PPP1R16A: variants seen among roughly 807,000 people sequenced by gnomAD.
PPP1R16A encodes the protein protein phosphatase 1 regulatory subunit 16A.
A neutral mutation model predicts 46.6 loss-of-function variants in PPP1R16A; 39 were observed. That is an observed-to-expected ratio of 0.84 (90% CI 0.65 to 1.09). The LOEUF (loss-of-function observed/expected upper bound fraction) is 1.09, where lower values mean the gene tolerates loss of function less well. Ranked by LOEUF, PPP1R16A falls within the 50% of genes least tolerant of loss-of-function variation. The pLI is 0.00. For synonymous variants in PPP1R16A, 413 were observed against 321.5 expected (o/e 1.28, Z -3.04); for missense variants, 798 against 735.6 (o/e 1.08, Z -0.98).
intron 1 of PPP1R16A, among the ~76,000 whole-genome samples, chr8:144,482,829 A>T (rs539287447): frequency 1.3e-5 from 2 of 152,104 alleles, no homozygotes; most frequent in Non-Finnish European, 2.9e-5. Context: ...TTGTAATTTT[A>T]GTAGAGACGG....
intron 1 of PPP1R16A, among the ~76,000 whole-genome samples, chr8:144,481,908 G>A (rs1248880458): frequency 6.6e-6 from 1 of 152,054 alleles, no homozygotes; most frequent in Non-Finnish European, 1.5e-5. Flanking sequence ...CTTCTGAGTA[G>A]CTGGGACTAC....
Position 144,493,909 on chromosome 8 carries a change from C to G in PPP1R16A, c.-734-2552C>G, listed in dbSNP as rs1249610259. On this transcript the variant is annotated intron_variant, in intron 2 of 11. Coordinates refer to ENST00000435887, the MANE Select transcript of PPP1R16A (RefSeq NM_001329443.2). The surrounding 1 kb of genome is among the most constrained non-coding windows in gnomAD (Gnocchi z 4.3). The stretch of plus-strand genomic sequence containing the variant: ...GGTGGGGTGGGGGAGGTAGAGCCTC[C>G]CCGCCCGTGGGCCTCCCTCTGCAGC... Among the ~76,000 whole-genome samples, 3 of 152,030 alleles carry G rather than the reference C, an allele frequency of 2.0e-5. No individual in the cohort carries two copies. The highest frequency in any genetic ancestry group is 7.2e-5 in the African/African-American group (3 of 41,422).
rs1554891621 is a variant in PPP1R16A, at chr8:144,501,100, C to T, written c.1038-29C>T. 6.8e-6 allele frequency: 11 copies of T among 1,606,110 alleles called. 1 individual carries two copies. The South Asian group carries it at 8.9e-5, about 13-fold the overall frequency. ...GGGGTCCTCCGGGCACTCCCCTTCC[C>T]CTCACTCCCTCTCCTCTCTCCTCCC... is the stretch of plus-strand genomic sequence containing the variant. On this transcript the variant is annotated intron_variant, in intron 10 of 11. Coordinates refer to ENST00000435887, the MANE Select transcript of PPP1R16A (RefSeq NM_001329443.2).
chr8:144,479,845 G>T (rs1825331780), intron 1 of PPP1R16A, among the ~76,000 whole-genome samples: 1 of 152,174 alleles, frequency 6.6e-6, no homozygotes, highest in African/African-American at 2.4e-5. Context: ...CCTAAAGGGA[G>T]GCCTTTTCAT....
In PPP1R16A at chr8:144,500,977, C is replaced by T. The variant is rs569440310; in HGVS notation, c.1037+6C>T. 8.3e-6 allele frequency: 12 copies of T among 1,448,898 alleles called. No homozygotes were observed. The highest frequency in any genetic ancestry group is 1.1e-5 in the Non-Finnish European group (12 of 1,112,650). 89.8% of individuals were successfully genotyped at this position (1,448,898 alleles called of 1,614,324 possible). A position where few individuals can be genotyped will look rare whatever the true frequency, so the allele number is the denominator to read the frequency against. On this transcript the variant is annotated splice_donor_region_variant and intron_variant, in intron 10 of 11. Transcript: ENST00000435887. Reference sequence around the variant, plus strand: ...TCCAGCGCCGGCAGCCGCGGGTGAGCGCCGCCCCCAGCAGGCCCCGCCCCG... The same window carrying T: ...TCCAGCGCCGGCAGCCGCGGGTGAGTGCCGCCCCCAGCAGGCCCCGCCCCG...
At chr8:144,501,320 C>G (rs747498921) in intron 11 of PPP1R16A, 26 bp downstream of exon 11, 1 of 1,550,566 alleles carries the variant, frequency 6.4e-7, no homozygotes, top group Non-Finnish European at 8.7e-7. Context: ...CTGCTCCGCC[C>G]AGCGCAGGGG....
intron 2 of PPP1R16A, among the ~76,000 whole-genome samples, chr8:144,494,544 G>A (rs1283201058): frequency 6.6e-6 from 1 of 152,134 alleles, no homozygotes; most frequent in Non-Finnish European, 1.5e-5. Context: ...CTGGGTTCAA[G>A]TGATCTTACT....
At position 144,500,528 on chromosome 8, in the gene PPP1R16A, C is replaced by T. The variant is rs1826370991; in HGVS notation, c.747C>T (p.Ala249=). Residue 249 remains alanine, a synonymous_variant, in exon 8 of 12, where the codon GCC becomes GCT. Transcript: ENST00000435887. ...CCAACGGGTTCAGCGAGGCGGCTGC[C>T]CTGCTGCTGGAACACCGAGCCAGCC... ...AAANGFSEAA[A]LLLEHRASLS... 1 of 1,593,482 alleles carries T rather than the reference C, an allele frequency of 6.3e-7. No homozygotes were observed. Among genetic ancestry groups the T allele is most frequent in the Admixed American group, 1.7e-5 (1 of 59,320 alleles).
chr8:144,487,400 C>A (rs1052299483), intron 1 of PPP1R16A, among the ~76,000 whole-genome samples: 1 of 150,896 alleles, frequency 6.6e-6, no homozygotes, highest in Non-Finnish European at 1.5e-5. Context: ...GAGACAGAGT[C>A]TTTCTCTGTC....
rs754008045 is a variant in PPP1R16A at position 144,497,339 on chromosome 8, GGTCCTGGGGAGC to G, written c.150_161del (p.Gly51_Pro54del). The G allele has an allele frequency of 5.2e-5, 84 of 1,612,602 alleles. No homozygotes were observed. The highest frequency in any genetic ancestry group is 6.7e-5 in the African/African-American group (5 of 74,906). ...TGAGAAGGAGGCCCAGGGCAAGAAG[GGTCCTGGGGAGC>G]GTCCCCGGAAGGAGGCAGCCAGCCA... On this transcript the variant is annotated inframe_deletion, in exon 3 of 12. Transcript: ENST00000435887.
intron 3 of PPP1R16A, chr8:144,497,854 A>C: frequency 2.7e-6 from 1 of 368,940 alleles, no homozygotes; most frequent in Non-Finnish European, 5.3e-6. Flanking sequence ...ACCTCCGTGA[A>C]ATAGGGTGGG....
chr8:144,491,935 A>G (rs989009854), intron 2 of PPP1R16A, among the ~76,000 whole-genome samples: 2 of 152,196 alleles, frequency 1.3e-5, no homozygotes, highest in African/African-American at 4.8e-5. Context: ...CTGTCTCTTA[A>G]AAAACATAAT....
chr8:144,497,248 C>G lies in PPP1R16A; in HGVS notation c.54C>G (p.Ser18Arg), dbSNP rs1157505047. 6.2e-7 allele frequency: 1 copy of G among 1,606,752 alleles called. No individual in the cohort carries two copies. The highest frequency in any genetic ancestry group is 8.5e-7 in the Non-Finnish European group (1 of 1,177,530). The change falls in exon 3 of 12, where the codon AGC (serine) becomes AGG (arginine). Residue 18 changes from serine (S) to arginine (R), a missense_variant. Ser to Arg is a moderately radical substitution (Grantham distance 110). Coordinates refer to ENST00000435887, the MANE Select transcript of PPP1R16A (RefSeq NM_001329443.2). ...LAEMPMVGRM[S>R]TQERLKHAQK... ...AGATGCCCATGGTGGGCAGGATGAG[C>G]ACACAGGAGCGGCTGAAGCATGCCC...
chr8:144,501,311 TGCTCCGCCCAGCGCAGGGGTGGGCC>T lies in PPP1R16A; in HGVS notation c.1203+18_1203+42del. 1 of 1,561,026 alleles carries T rather than the reference TGCTCCGCCCAGCGCAGGGGTGGGCC, an allele frequency of 6.4e-7. No homozygotes were observed. On this transcript the variant is annotated intron_variant, in intron 11 of 11. Coordinates refer to ENST00000435887, the MANE Select transcript of PPP1R16A (RefSeq NM_001329443.2). Reference sequence around the variant, plus strand: ...CCCCCGGAGGTGAGCGCCCCGTCCCTGCTCCGCCCAGCGCAGGGGTGGGCCTGGCTCTGCCCTGGTTCTCTCTCCG... The same window carrying T: ...CCCCCGGAGGTGAGCGCCCCGTCCCTTGGCTCTGCCCTGGTTCTCTCTCCG...
rs757853029 is a variant in PPP1R16A at position 144,501,742 on chromosome 8, C to T, written c.1426C>T (p.Pro476Ser). ...GCTGCAGCGACCCCCACCTGAGGGGCCCGAGAGCCCTGAGACAGCTGAGCC... is the reference window on the plus strand; with the variant it reads ...GCTGCAGCGACCCCCACCTGAGGGGTCCGAGAGCCCTGAGACAGCTGAGCC... ...AKLQRPPPEGPESPETAEPGL... is the reference protein window; with the variant it reads ...AKLQRPPPEGSESPETAEPGL... Residue 476 changes from proline to serine, a missense_variant, in exon 12 of 12, where the codon CCC (proline) becomes TCC (serine). By Grantham distance (74) the Pro-to-Ser change is moderately conservative. Coordinates refer to ENST00000435887, the MANE Select transcript of PPP1R16A (RefSeq NM_001329443.2). 2 of 1,576,944 alleles carry T rather than the reference C, an allele frequency of 1.3e-6. No individual in the cohort carries two copies. Among genetic ancestry groups the T allele is most frequent in the Non-Finnish European group, 1.7e-6 (2 of 1,162,376 alleles).
In PPP1R16A at chr8:144,501,752, C is replaced by G. The variant is rs1434838767; in HGVS notation, c.1436C>G (p.Pro479Arg). The change falls in exon 12 of 12, where the codon CCT becomes CGT. Residue 479 changes from proline to arginine, a missense_variant. Coordinates refer to ENST00000435887, the MANE Select transcript of PPP1R16A (RefSeq NM_001329443.2). ...CCCCCACCTGAGGGGCCCGAGAGCC[C>G]TGAGACAGCTGAGCCTGGCCTGCCT... is the stretch of plus-strand genomic sequence containing the variant. ...QRPPPEGPES[P>R]ETAEPGLPGD... 4 of 1,571,700 alleles carry G rather than the reference C, an allele frequency of 2.5e-6. No homozygotes were observed. The highest frequency in any genetic ancestry group is 3.4e-6 in the Non-Finnish European group (4 of 1,159,500).
chr8:144,501,006 T>C, intron 10 of PPP1R16A, 35 bp downstream of exon 10: 1 of 1,451,974 alleles, frequency 6.9e-7, no homozygotes. Context: ...CGCCCCGGGC[T>C]TGGCCCCGCG....
At position 144,502,111 on chromosome 8, in the gene PPP1R16A, T is replaced by G; in HGVS notation, c.*208T>G. 1 of 552,112 alleles carries G rather than the reference T, an allele frequency of 1.8e-6. No homozygotes were observed. The highest frequency in any genetic ancestry group is 3.1e-6 in the Non-Finnish European group (1 of 319,482). The allele number at this position is 552,112 out of a possible 1,614,324, so 34.2% of individuals were successfully genotyped here. A position where few individuals can be genotyped will look rare whatever the true frequency, so the allele number is the denominator to read the frequency against. On this transcript the variant is annotated 3_prime_UTR_variant, in exon 12 of 12. Transcript: ENST00000435887. ...CCTGCAACTCTTGATAAAGGGCTGTTTTGCCATGGAGCCTCGTTGTGTGTT... is the reference window on the plus strand; with the variant it reads ...CCTGCAACTCTTGATAAAGGGCTGTGTTGCCATGGAGCCTCGTTGTGTGTT...
intron 5 of PPP1R16A, chr8:144,499,289 GAGAGGGCA>G: frequency 1.7e-6 from 1 of 586,394 alleles, no homozygotes; most frequent in Non-Finnish European, 2.9e-6. Context: ...TCCTCCTGCC[GAGAGGGCA>G]GGCCTCGGGC....
Sources: allele counts gnomAD v4.1 joint callset (sites outside exome capture counted in the v4.1 genomes callset), GRCh38; gene constraint gnomAD v4.1.1; non-coding constraint Gnocchi (gnomAD v3.1); transcripts MANE v1.5; gene names NCBI Gene and HGNC (gene_info 2026-07-23, HGNC 2026-07-21).